Variants in RNF10 observed in about 807,000 individuals in gnomAD.
The protein encoded by RNF10 is E3 ubiquitin-protein ligase RNF10.
RNF10 carries 38 observed loss-of-function variants against 91.4 expected under a neutral mutation model. The ratio of observed to expected loss-of-function variants is 0.42; its 90% CI spans 0.32 to 0.54. The LOEUF is 0.54. Ranked by LOEUF, RNF10 falls within the 20% of genes least tolerant of loss-of-function variation. The pLI, the probability that RNF10 is intolerant of heterozygous loss-of-function variation, is 0.16. For missense variants in RNF10, 945 were observed against 1,012.0 expected (o/e 0.93, Z 0.90); for synonymous variants, 364 against 366.3 (o/e 0.99, Z 0.07).
rs1329018534 is a variant in RNF10, at chr12:120,565,107, G to T, written c.1701G>T (p.Leu567Phe). ...AGCGTCACAGATATCTCTCTCACTT[G>T]CCACTCACCTGTGAGTTCAGCATCT... ...VRQRHRYLSH[L>F]PLTCEFSICE... Residue 567 changes from leucine (L) to phenylalanine (F), a missense_variant, in exon 11 of 17, where the codon TTG (leucine) becomes TTT (phenylalanine). Coordinates refer to ENST00000325954, the MANE Select transcript of RNF10 (RefSeq NM_014868.5). 2 of 1,613,804 alleles carry T rather than the reference G, an allele frequency of 1.2e-6. No individual in the cohort carries two copies. The highest frequency in any genetic ancestry group is 1.7e-6 in the Non-Finnish European group (2 of 1,179,844).
intron 1 of RNF10, among the ~76,000 whole-genome samples, chr12:120,539,905 A>C (rs1348715206): frequency 6.6e-6 from 1 of 151,222 alleles, no homozygotes; most frequent in African/African-American, 2.4e-5. Context: ...GCGCGATCTC[A>C]GCTCACTTTA....
intron 1 of RNF10, among the ~76,000 whole-genome samples, chr12:120,543,853 C>T (rs1871916151): frequency 6.6e-6 from 1 of 151,822 alleles, no homozygotes; most frequent in African/African-American, 2.4e-5. Flanking sequence ...GCAGTCCTAG[C>T]TGGGAGGCTG....
chr12:120,558,085 T>C (rs964048370), intron 6 of RNF10, among the ~76,000 whole-genome samples: 3 of 152,224 alleles, frequency 2.0e-5, no homozygotes, highest in Admixed American at 1.3e-4. Context: ...TCCCTGTGTT[T>C]CATGCAGAAA....
At position 120,556,370 on chromosome 12, in the gene RNF10, T is replaced by TA. The variant is rs528528148; in HGVS notation, c.646-901dup. On this transcript the variant is annotated intron_variant, in intron 4 of 16. Coordinates refer to ENST00000325954, the MANE Select transcript of RNF10 (RefSeq NM_014868.5). ...TAACACGGTGAAACCCCGTCTCTAC[T>TA]AAAAAAAAAAATTAGCCCGGCGCAG... 4.4e-3 allele frequency among the ~76,000 whole-genome samples: 625 copies of TA among 143,246 alleles called. 7 individuals are homozygous for TA. The highest frequency in any genetic ancestry group is 0.026 in the East Asian group (127 of 4,850). 94.0% of individuals were successfully genotyped at this position (143,246 alleles called of 152,430 possible).
chr12:120,569,151 T>G (rs571400626), intron 13 of RNF10, among the ~76,000 whole-genome samples: 3 of 152,122 alleles, frequency 2.0e-5, no homozygotes, highest in African/African-American at 7.2e-5. Context: ...GTATTTTTAG[T>G]AGAGACAGGG....
intron 14 of RNF10, chr12:120,574,524 A>G (rs558727240): frequency 1.1e-5 from 5 of 456,110 alleles, no homozygotes; most frequent in African/African-American, 6.0e-5. Flanking sequence ...GCTATTGGAA[A>G]AGCAGACTAA....
intron 14 of RNF10, among the ~76,000 whole-genome samples, chr12:120,572,512 G>GA (rs1262710947): frequency 1.2e-4 from 19 of 152,326 alleles, no homozygotes; most frequent in South Asian, 6.2e-4. Flanking sequence ...GGTGAGAAGA[G>GA]AGGGGGATCC....
At chr12:120,568,697 A>G (rs1663090205) in intron 13 of RNF10, among the ~76,000 whole-genome samples, 1 of 151,950 alleles carries the variant, frequency 6.6e-6, no homozygotes, top group Non-Finnish European at 1.5e-5. Flanking sequence ...GCTGGTCTCG[A>G]ACTCCTGGCC....
chr12:120,564,061 GTCTT>G (rs1875319002), intron 10 of RNF10, 118 bp downstream of exon 10: 2 of 1,143,570 alleles, frequency 1.7e-6, no homozygotes, highest in Admixed American at 2.2e-5. Context: ...TGTATTTTTA[GTCTT>G]TCTGTCAGTG....
At chr12:120,557,081 G>A (rs76699329) in intron 4 of RNF10, among the ~76,000 whole-genome samples, 27,089 of 112,282 alleles carry the variant, frequency 0.24, 3,944 homozygotes, top group African/African-American at 0.48. Flanking sequence ...GAGATGGACC[G>A]TCTCAAAAAA....
intron 4 of RNF10, 151 bp downstream of exon 4, chr12:120,554,959 C>G: frequency 1.5e-6 from 1 of 652,930 alleles, no homozygotes; most frequent in Admixed American, 2.6e-5. Flanking sequence ...GTTCCTGGTT[C>G]TTCCTGGAGT....
intron 7 of RNF10, 29 bp downstream of exon 7, chr12:120,560,915 CTT>C: frequency 6.2e-7 from 1 of 1,602,754 alleles, no homozygotes; most frequent in East Asian, 2.2e-5. Context: ...GATGCTAAAC[CTT>C]TTCACTTTCT....
At chr12:120,556,689 T>G (rs547014136) in intron 4 of RNF10, among the ~76,000 whole-genome samples, 149 of 152,234 alleles carry the variant, frequency 9.8e-4, no homozygotes, top group African/African-American at 3.5e-3. Context: ...GTAGATTACT[T>G]CTAGACCCTT....
At chr12:120,562,886 C>CA in intron 7 of RNF10, 59 bp from the exon 8 acceptor site, 1 of 1,608,820 alleles carries the variant, frequency 6.2e-7, no homozygotes, top group Middle Eastern at 1.7e-4. Flanking sequence ...CCTTGCCCTT[C>CA]AAGCTAAGTG....
chr12:120,547,444 C>A (rs1280299064), intron 2 of RNF10, among the ~76,000 whole-genome samples: 2 of 152,146 alleles, frequency 1.3e-5, no homozygotes, highest in Non-Finnish European at 2.9e-5. Flanking sequence ...TGCATGCCAC[C>A]ATGCCTGGCT....
intron 4 of RNF10, among the ~76,000 whole-genome samples, chr12:120,556,633 A>G (rs1874070144): frequency 6.6e-6 from 1 of 151,016 alleles, no homozygotes; most frequent in African/African-American, 2.4e-5. Flanking sequence ...AGTTTTATTA[A>G]AAAAAAATGA....
chr12:120,546,486 A>G lies in RNF10; in HGVS notation c.239A>G (p.Gln80Arg), dbSNP rs1200597180. 6.2e-7 allele frequency: 1 copy of G among 1,614,244 alleles called. No individual in the cohort carries two copies. Among genetic ancestry groups the G allele is most frequent in the South Asian group, 1.1e-5 (1 of 91,090 alleles). ...CCCAAAAATGAAAGTTTTAACAACCAGTCCCGTCGCTCCAGTTCACAGAAA... is the reference window on the plus strand; with the variant it reads ...CCCAAAAATGAAAGTTTTAACAACCGGTCCCGTCGCTCCAGTTCACAGAAA... ...SYPKNESFNN[Q>R]SRRSSSQKSK... The change falls in exon 2 of 17, where the codon CAG (glutamine) becomes CGG (arginine). Residue 80 changes from glutamine to arginine, a missense_variant. Coordinates refer to ENST00000325954, the MANE Select transcript of RNF10 (RefSeq NM_014868.5).
At chr12:120,563,980 A>G in intron 10 of RNF10, 37 bp downstream of exon 10, 1 of 1,613,174 alleles carries the variant, frequency 6.2e-7, no homozygotes, top group Non-Finnish European at 8.5e-7. Context: ...GTCAGGCAGC[A>G]GTATTAACCT....
intron 2 of RNF10, among the ~76,000 whole-genome samples, chr12:120,551,917 G>A (rs2137174014): frequency 6.6e-6 from 1 of 152,198 alleles, no homozygotes; most frequent in African/African-American, 2.4e-5. Flanking sequence ...GGCTGTACAG[G>A]AAACATGGCT....
Sources: allele counts gnomAD v4.1 joint callset (sites outside exome capture counted in the v4.1 genomes callset), GRCh38; gene constraint gnomAD v4.1.1; transcripts MANE v1.5; gene names NCBI Gene and HGNC (gene_info 2026-07-23, HGNC 2026-07-21).